The following ZBTB24 variants were observed in gnomAD, a reference collection of about 807,000 sequenced individuals.
ZBTB24 encodes zinc finger and BTB domain containing 24.
Under a neutral mutation model 53.8 loss-of-function variants are expected in ZBTB24, and 32 were observed. That is an observed-to-expected ratio of 0.60 (90% CI 0.45 to 0.80). The LOEUF is 0.80. Among genes scored for constraint, ZBTB24 ranks in the 30% least tolerant of loss-of-function variants. ZBTB24 has a pLI of 0.00. For synonymous variants in ZBTB24, 297 were observed against 306.7 expected (o/e 0.97, Z 0.33); for missense variants, 722 against 837.1 (o/e 0.86, Z 1.70).
chr6:109,473,727 G>A (rs1012363741), intron 5 of ZBTB24, among the ~76,000 whole-genome samples: 3 of 152,274 alleles, frequency 2.0e-5, no homozygotes, highest in African/African-American at 7.2e-5. Context: ...CTCAGTACAT[G>A]TGTTAAAATC....
At chr6:109,480,428 G>A (rs12192847) in intron 2 of ZBTB24, among the ~76,000 whole-genome samples, 44,088 of 152,054 alleles carry the variant, frequency 0.29, 6,961 homozygotes, top group Middle Eastern at 0.41. Context: ...TCTCAGTCAC[G>A]CTAGCCACAG....
rs1582674036 is a variant in ZBTB24 at position 109,472,056 on chromosome 6, C to G, written c.1288+3343G>C. Among the ~76,000 whole-genome samples the G allele has an allele frequency of 1.3e-5, 2 of 152,170 alleles. 1 individual carries two copies. Among genetic ancestry groups the G allele is most frequent in the East Asian group, 3.9e-4 (2 of 5,166 alleles). ...GGACATCTAACCCAGAGAGTTTGTG[C>G]CTAAAGATCTAAGAGATGAATGACA... is the stretch of plus-strand genomic sequence containing the variant. On this transcript the variant is annotated intron_variant, in intron 5 of 6. Coordinates refer to ENST00000230122, the MANE Select transcript of ZBTB24 (RefSeq NM_014797.3).
intron 6 of ZBTB24, 174 bp downstream of exon 6, chr6:109,467,479 C>CA (rs767210317): frequency 9.4e-6 from 9 of 958,234 alleles, no homozygotes; most frequent in Non-Finnish European, 1.1e-5. Flanking sequence ...GCCTGGGCGA[C>CA]AGTGAGACCC....
At chr6:109,479,531 G>A (rs898267649) in intron 2 of ZBTB24, among the ~76,000 whole-genome samples, 2 of 152,226 alleles carry the variant, frequency 1.3e-5, no homozygotes, top group African/African-American at 2.4e-5. Context: ...GGGACTGTCT[G>A]TACTGAGGAC....
At chr6:109,478,195 A>G (rs1415246323) in intron 2 of ZBTB24, among the ~76,000 whole-genome samples, 1 of 152,224 alleles carries the variant, frequency 6.6e-6, no homozygotes, top group Non-Finnish European at 1.5e-5. Flanking sequence ...TAATCACCCC[A>G]GCACCTAGAC....
chr6:109,465,186 T>G lies in ZBTB24; in HGVS notation c.*665A>C, dbSNP rs1458124965. 1 of 153,122 alleles carries G rather than the reference T, an allele frequency of 6.5e-6. No homozygotes were observed. The highest frequency in any genetic ancestry group is 1.5e-5 in the Non-Finnish European group (1 of 68,694). The allele number at this position is 153,122 out of a possible 1,614,324, so 9.5% of individuals were successfully genotyped here. ...ACGAATTCAGAATTTTAAGAAATCC[T>G]ATGCTTTTGGCTATCTTGTTACATG... is the stretch of plus-strand genomic sequence containing the variant. On this transcript the variant is annotated 3_prime_UTR_variant, in exon 7 of 7. Transcript: ENST00000230122.
chr6:109,482,188 T>A, intron 1 of ZBTB24, 134 bp from the exon 2 acceptor site: 2 of 762,252 alleles, frequency 2.6e-6, no homozygotes, highest in Non-Finnish European at 4.4e-6. Flanking sequence ...TCTACAAACT[T>A]AGCTCTGGGC....
At chr6:109,480,354 T>C (rs1776376079) in intron 2 of ZBTB24, among the ~76,000 whole-genome samples, 1 of 152,072 alleles carries the variant, frequency 6.6e-6, no homozygotes, top group Non-Finnish European at 1.5e-5. Context: ...TCCAATACGG[T>C]AGCCACTAGC....
At chr6:109,482,695 G>A (rs775216047) in intron 1 of ZBTB24, among the ~76,000 whole-genome samples, 8 of 152,026 alleles carry the variant, frequency 5.3e-5, no homozygotes, top group African/African-American at 1.2e-4. Context: ...ATGAAGGAAT[G>A]GGATTAACCA....
chr6:109,476,958 A>G, intron 2 of ZBTB24, 28 bp from the exon 3 acceptor site: 2 of 1,610,756 alleles, frequency 1.2e-6, no homozygotes, highest in South Asian at 1.1e-5. Flanking sequence ...GAAGCATGGT[A>G]TAAGTAAGAA....
intron 2 of ZBTB24, among the ~76,000 whole-genome samples, chr6:109,478,662 T>C (rs998864007): frequency 1.3e-5 from 2 of 152,010 alleles, no homozygotes; most frequent in Admixed American, 1.3e-4. Flanking sequence ...GATCACGCCA[T>C]TGCACTCCAG....
At position 109,465,992 on chromosome 6, in the gene ZBTB24, A is replaced by G. The variant is rs768190156; in HGVS notation, c.1953T>C (p.His651=). 2.5e-6 allele frequency: 4 copies of G among 1,614,056 alleles called. No individual in the cohort carries two copies. The highest frequency in any genetic ancestry group is 3.4e-6 in the Non-Finnish European group (4 of 1,180,046). Residue 651 remains histidine (H), a synonymous_variant, in exon 7 of 7, where the codon CAT becomes CAC. Transcript: ENST00000230122. ...SKETLEHLHA[H]QEQTEELHLA... ...AATGGAGCTCCTCTGTTTGCTCTTG[A>G]TGGGCATGAAGATGTTCCAGTGTTT...
chr6:109,475,346 A>G, intron 5 of ZBTB24, 53 bp downstream of exon 5: 4 of 1,605,480 alleles, frequency 2.5e-6, no homozygotes, highest in Non-Finnish European at 3.4e-6. Context: ...TTCATTCTTC[A>G]CTCTCCTGAA....
At position 109,481,584 on chromosome 6, in the gene ZBTB24, A is replaced by G; in HGVS notation, c.443T>C (p.Val148Ala). 1 of 1,614,232 alleles carries G rather than the reference A, an allele frequency of 6.2e-7. No individual in the cohort carries two copies. The highest frequency in any genetic ancestry group is 1.1e-5 in the South Asian group (1 of 91,088). ...TTLNTAGAPV[V>A]VISNKKNDPP... ...ATCGTTTTTCTTATTAGAGATAACA[A>G]CCACTGGGGCACCAGCAGTGTTCAA... Residue 148 changes from valine (V) to alanine (A), a missense_variant, in exon 2 of 7, where the codon GTT (valine) becomes GCT (alanine). Physicochemically the swap from Val to Ala is moderately conservative, Grantham distance 64 (BLOSUM62 0). Coordinates refer to ENST00000230122, the MANE Select transcript of ZBTB24 (RefSeq NM_014797.3).
intron 5 of ZBTB24, among the ~76,000 whole-genome samples, chr6:109,470,536 C>T (rs1434602569): frequency 6.6e-6 from 1 of 152,156 alleles, no homozygotes; most frequent in African/African-American, 2.4e-5. Flanking sequence ...TAACATGGGG[C>T]ATGACATGTT....
chr6:109,466,725 C>G (rs1394483124), intron 6 of ZBTB24, 151 bp from the exon 7 acceptor site: 2 of 1,154,650 alleles, frequency 1.7e-6, no homozygotes, highest in Non-Finnish European at 1.2e-6. Context: ...GGACTTGAAG[C>G]AAGTCTCGCT....
Position 109,465,553 on chromosome 6 carries a change from A to G in ZBTB24, c.*298T>C, listed in dbSNP as rs1191908566. ...GGCTGTGAACATTTAAACCTTACAGAAAAACTGAGATCAATGCCCCCAAAG... is the reference window on the plus strand; with the variant it reads ...GGCTGTGAACATTTAAACCTTACAGGAAAACTGAGATCAATGCCCCCAAAG... On this transcript the variant is annotated 3_prime_UTR_variant, in exon 7 of 7. Coordinates refer to ENST00000230122, the MANE Select transcript of ZBTB24 (RefSeq NM_014797.3). The G allele has an allele frequency of 4.2e-6, 5 of 1,188,340 alleles. No individual in the cohort carries two copies. In the African/African-American group the frequency reaches 7.7e-5, roughly 18 times the overall value. The allele number at this position is 1,188,340 out of a possible 1,614,324, so 73.6% of individuals were successfully genotyped here.
intron 2 of ZBTB24, among the ~76,000 whole-genome samples, chr6:109,477,928 T>C (rs1370578503): frequency 6.6e-6 from 1 of 152,018 alleles, no homozygotes; most frequent in African/African-American, 2.4e-5. Flanking sequence ...CCACCTCCAG[T>C]GAGGTTATGA....
At chr6:109,468,704 G>A (rs2273896) in intron 5 of ZBTB24, among the ~76,000 whole-genome samples, 6,365 of 152,052 alleles carry the variant, frequency 0.042, 212 homozygotes, top group East Asian at 0.1. Flanking sequence ...CCCCAGTGCC[G>A]AGAATCTGGC....
Sources: allele counts gnomAD v4.1 joint callset (sites outside exome capture counted in the v4.1 genomes callset), GRCh38; gene constraint gnomAD v4.1.1; transcripts MANE v1.5; gene names NCBI Gene and HGNC (gene_info 2026-07-23, HGNC 2026-07-21).